The following ZNF385D variants were observed in gnomAD, a reference collection of about 807,000 sequenced individuals.
ZNF385D encodes zinc finger protein 385D.
Under a neutral mutation model 35.8 loss-of-function variants are expected in ZNF385D, and 15 were observed. The observed-to-expected ratio is 0.42, with a 90% confidence interval of 0.28 to 0.64. The LOEUF (loss-of-function observed/expected upper bound fraction) is 0.64. Ranked by LOEUF, ZNF385D falls within the 30% of genes least tolerant of loss-of-function variation. The probability of loss-of-function intolerance (pLI) is 0.23; values close to 1 mark genes in which losing one functional copy is unlikely to be tolerated. For missense variants in ZNF385D, 474 were observed against 494.6 expected (o/e 0.96, Z 0.39); for synonymous variants, 212 against 186.8 (o/e 1.13, Z -1.10).
chr3:22,016,291 C>A (rs572578938), intron 3 of ZNF385D, among the ~76,000 whole-genome samples: 2 of 152,172 alleles, frequency 1.3e-5, no homozygotes, highest in South Asian at 2.1e-4. Context: ...TTCTATAACA[C>A]ATAGGACAGC....
At chr3:22,001,769 T>C (rs1252004037) in intron 3 of ZNF385D, among the ~76,000 whole-genome samples, 1 of 151,890 alleles carries the variant, frequency 6.6e-6, no homozygotes, top group Non-Finnish European at 1.5e-5. Flanking sequence ...TCCTATAAAG[T>C]ATTTTTTCAG....
chr3:21,588,939 A>T (rs2063892092), intron 2 of ZNF385D, among the ~76,000 whole-genome samples: 2 of 152,162 alleles, frequency 1.3e-5, no homozygotes, highest in Non-Finnish European at 2.9e-5. Context: ...AGTATTACTG[A>T]GCATTTATTA....
intron 3 of ZNF385D, among the ~76,000 whole-genome samples, chr3:21,844,664 T>C (rs1695887838): frequency 6.6e-6 from 1 of 152,022 alleles, no homozygotes; most frequent in South Asian, 2.1e-4. Flanking sequence ...AAAGTTCACC[T>C]GGTGCAAGAT....
At chr3:22,110,567 T>C (rs572298149) in intron 3 of ZNF385D, among the ~76,000 whole-genome samples, 1 of 151,598 alleles carries the variant, frequency 6.6e-6, no homozygotes, top group South Asian at 2.1e-4. Context: ...ATGTTCTCAC[T>C]CATAGATGGG....
At chr3:21,925,324 C>G (rs1684477) in intron 3 of ZNF385D, among the ~76,000 whole-genome samples, 139,137 of 152,000 alleles carry the variant, frequency 0.92, 63,774 homozygotes, top group East Asian at 0.99. Flanking sequence ...GCTGAATCCA[C>G]AGACAGACCC....
chr3:22,193,965 C>T (rs1696233948), intron 2 of ZNF385D, among the ~76,000 whole-genome samples: 2 of 151,762 alleles, frequency 1.3e-5, no homozygotes, highest in Non-Finnish European at 2.9e-5. Flanking sequence ...CTTAATTTTG[C>T]TAGTGAAACA....
chr3:22,187,149 T>A (rs1230223070), intron 2 of ZNF385D, among the ~76,000 whole-genome samples: 1 of 152,156 alleles, frequency 6.6e-6, no homozygotes, highest in East Asian at 1.9e-4. Flanking sequence ...TCTTCAAAAA[T>A]TTCGTGGCCA....
intron 3 of ZNF385D, among the ~76,000 whole-genome samples, chr3:22,033,749 T>G (rs1320913168): frequency 6.6e-6 from 1 of 152,114 alleles, no homozygotes; most frequent in African/African-American, 2.4e-5. Flanking sequence ...AAAAAGCAAT[T>G]TTCCATAGAA....
chr3:21,660,206 C>T (rs1475814617), intron 2 of ZNF385D, among the ~76,000 whole-genome samples: 7 of 152,104 alleles, frequency 4.6e-5, no homozygotes, highest in Admixed American at 2.0e-4. Context: ...AGGAGCAGCA[C>T]AGAGTAAAAT....
intron 1 of ZNF385D, among the ~76,000 whole-genome samples, chr3:21,712,822 C>T (rs538543122): frequency 9.1e-4 from 139 of 152,292 alleles, no homozygotes; most frequent in Non-Finnish European, 1.4e-3. Context: ...CTTAAATCTA[C>T]CACAAGCTTT....
At chr3:22,281,384 G>A (rs1003638912) in intron 2 of ZNF385D, among the ~76,000 whole-genome samples, 1 of 152,068 alleles carries the variant, frequency 6.6e-6, no homozygotes, top group Non-Finnish European at 1.5e-5. Flanking sequence ...GTAATACATG[G>A]CTTTTATTAC....
At chr3:22,164,608 C>CT (rs5847166) in intron 3 of ZNF385D, among the ~76,000 whole-genome samples, 32,199 of 138,246 alleles carry the variant, frequency 0.23, 3,654 homozygotes, top group African/African-American at 0.29. Context: ...CCCAAAGGGA[C>CT]TTTTTTTTTT....
At chr3:22,146,119 A>C (rs1704836686) in intron 3 of ZNF385D, among the ~76,000 whole-genome samples, 1 of 152,166 alleles carries the variant, frequency 6.6e-6, no homozygotes, top group South Asian at 2.1e-4. Flanking sequence ...GTACTTCAGG[A>C]GTCATGCAAA....
At chr3:22,086,872 G>T (rs1436428159) in intron 3 of ZNF385D, among the ~76,000 whole-genome samples, 1 of 151,774 alleles carries the variant, frequency 6.6e-6, no homozygotes, top group Non-Finnish European at 1.5e-5. Flanking sequence ...TCATAGGTGG[G>T]AATTGAACAA....
intron 3 of ZNF385D, among the ~76,000 whole-genome samples, chr3:21,787,550 T>C (rs1056598069): frequency 2.0e-5 from 3 of 151,786 alleles, no homozygotes; most frequent in Admixed American, 6.6e-5. Flanking sequence ...GGAGAAACAG[T>C]AAGATTCCAG....
At chr3:22,230,028 T>C (rs1027611401) in intron 2 of ZNF385D, among the ~76,000 whole-genome samples, 1 of 152,208 alleles carries the variant, frequency 6.6e-6, no homozygotes, top group Non-Finnish European at 1.5e-5. Flanking sequence ...AGGGTCCAGT[T>C]ACTTTATATC....
At position 22,080,022 on chromosome 3, in the gene ZNF385D, T is replaced by TG. The variant is rs1364650613; in HGVS notation, c.325+88794_325+88795insC. On this transcript the variant is annotated intron_variant, in intron 3 of 5. Coordinates refer to the ZNF385D transcript ENST00000494108. ...TTCAGAGAAAGAATATCAAAGTTGT[T>TG]ACACTTTCCTGGTAGACTGCCAACC... Among the ~76,000 whole-genome samples, 39 of 152,184 alleles carry TG rather than the reference T, an allele frequency of 2.6e-4. 2 individuals carry two copies. The East Asian group carries it at 7.0e-3, about 27-fold the overall frequency.
intron 1 of ZNF385D, among the ~76,000 whole-genome samples, chr3:21,705,939 C>T (rs551047306): frequency 6.6e-6 from 1 of 152,242 alleles, no homozygotes; most frequent in East Asian, 1.9e-4. Flanking sequence ...GGACATGTGC[C>T]CAGATGAGCT....
Position 21,420,956 on chromosome 3 carries a change from A to T in ZNF385D, c.*258T>A. The T allele has an allele frequency of 2.2e-6, 1 of 453,790 alleles. No individual in the cohort carries two copies. Among genetic ancestry groups the T allele is most frequent in the Non-Finnish European group, 4.0e-6 (1 of 250,198 alleles). The allele number at this position is 453,790 out of a possible 1,614,324, so 28.1% of individuals were successfully genotyped here. A position where few individuals can be genotyped will look rare whatever the true frequency, so the allele number is the denominator to read the frequency against. The stretch of plus-strand genomic sequence containing the variant: ...AGAGGCTTCAGAAGGTCTAGATACC[A>T]CTACAAATCAATGCTGGAGATCACT... On this transcript the variant is annotated 3_prime_UTR_variant, in exon 8 of 8. Transcript: ENST00000281523.
Sources: allele counts gnomAD v4.1 joint callset (sites outside exome capture counted in the v4.1 genomes callset), GRCh38; gene constraint gnomAD v4.1.1; transcripts MANE v1.5; gene names NCBI Gene and HGNC (gene_info 2026-07-23, HGNC 2026-07-21).